Variants in EYA4 observed in about 807,000 individuals in gnomAD.
EYA4 encodes the protein EYA transcriptional coactivator and phosphatase 4, also known as protein phosphatase EYA4.
Under a neutral mutation model 87.9 loss-of-function variants are expected in EYA4, and 31 were observed. The ratio of observed to expected loss-of-function variants is 0.35; its 90% CI spans 0.27 to 0.48. The LOEUF is 0.48. Among genes scored for constraint, EYA4 ranks in the 20% least tolerant of loss-of-function variants. The probability of loss-of-function intolerance (pLI) is 0.99; values close to 1 mark genes in which losing one functional copy is unlikely to be tolerated. For missense variants in EYA4, 678 were observed against 761.4 expected, an observed-to-expected ratio of 0.89 and a Z score of 1.29; for synonymous variants, 263 against 270.6, an observed-to-expected ratio of 0.97 and a Z score of 0.28.
At chr6:133,384,547 A>C (rs1786529035) in intron 3 of EYA4, among the ~76,000 whole-genome samples, 2 of 152,206 alleles carry the variant, frequency 1.3e-5, no homozygotes, top group African/African-American at 4.8e-5. Flanking sequence ...AATTTTTCTT[A>C]AAATGTGAGA....
intron 3 of EYA4, among the ~76,000 whole-genome samples, chr6:133,409,748 C>T (rs1345280360): frequency 6.6e-6 from 1 of 152,096 alleles, no homozygotes; most frequent in East Asian, 1.9e-4. Flanking sequence ...CGATGAATAA[C>T]TCTAGAAATC....
intron 2 of EYA4, among the ~76,000 whole-genome samples, chr6:133,354,448 T>G (rs1236187554): frequency 3.9e-5 from 6 of 152,182 alleles, no homozygotes; most frequent in African/African-American, 1.2e-4. Context: ...TAGCTACTGT[T>G]TCCCGAATGT....
At chr6:133,254,101 T>TCAC (rs1276043523) in intron 1 of EYA4, among the ~76,000 whole-genome samples, 1 of 152,164 alleles carries the variant, frequency 6.6e-6, no homozygotes, top group Non-Finnish European at 1.5e-5. Context: ...TACCAAAGTA[T>TCAC]TACTGATTTT....
intron 6 of EYA4, among the ~76,000 whole-genome samples, chr6:133,457,529 T>A: frequency 6.6e-6 from 1 of 152,310 alleles, no homozygotes; most frequent in Non-Finnish European, 1.5e-5. Context: ...AGTTGAGATA[T>A]GTCTTAGAGT....
In EYA4 at chr6:133,455,682, C is replaced by T. The variant is rs536960714; in HGVS notation, c.278-874C>T. Among the ~76,000 whole-genome samples, 3 of 152,156 alleles carry T rather than the reference C, an allele frequency of 2.0e-5. No individual in the cohort carries two copies. In the South Asian group the frequency reaches 6.2e-4, roughly 32 times the overall value. ...ACTGTATCATTCATTTCACTTATGA[C>T]CAGGAAACACAAGAGGTGTTAAGTA... is the stretch of plus-strand genomic sequence containing the variant. On this transcript the variant is annotated intron_variant, in intron 5 of 19. Transcript: ENST00000355286.
intron 3 of EYA4, among the ~76,000 whole-genome samples, chr6:133,410,973 C>G (rs187752931): frequency 2.0e-5 from 3 of 150,780 alleles, no homozygotes; most frequent in Non-Finnish European, 4.4e-5. Context: ...GCCCTTCCCC[C>G]GCCTGACCCC....
intron 4 of EYA4, among the ~76,000 whole-genome samples, chr6:133,447,638 A>G (rs1792983427): frequency 6.6e-6 from 1 of 152,182 alleles, no homozygotes. Flanking sequence ...CATTTATTTT[A>G]GAATAACGAT....
chr6:133,441,394 C>A (rs1055467025), intron 3 of EYA4, among the ~76,000 whole-genome samples: 6 of 152,168 alleles, frequency 3.9e-5, no homozygotes. Flanking sequence ...AATAAAGCTT[C>A]AATGCTGCAA....
At chr6:133,518,403 A>G (rs916749603) in intron 17 of EYA4, among the ~76,000 whole-genome samples, 13 of 152,116 alleles carry the variant, frequency 8.5e-5, no homozygotes, top group Non-Finnish European at 1.9e-4. Context: ...ATCCACATAT[A>G]TTACCATATT....
intron 13 of EYA4, among the ~76,000 whole-genome samples, chr6:133,495,918 A>G (rs1008172898): frequency 5.3e-5 from 8 of 152,158 alleles, no homozygotes; most frequent in African/African-American, 1.7e-4. Flanking sequence ...CCTTGAGCAA[A>G]CTAATGAACA....
chr6:133,436,754 G>GA (rs1227656486), intron 3 of EYA4, among the ~76,000 whole-genome samples: 1 of 152,196 alleles, frequency 6.6e-6, no homozygotes, highest in Non-Finnish European at 1.5e-5. Flanking sequence ...TATGCAAAGA[G>GA]AAAAAGCTGG....
intron 3 of EYA4, among the ~76,000 whole-genome samples, chr6:133,391,238 T>TTTTTTTTTTTTTTTTTTTTTTTTTTG (rs1787264345): frequency 6.6e-6 from 1 of 150,646 alleles, no homozygotes; most frequent in African/African-American, 2.5e-5. Flanking sequence ...TTTTTTTTTT[T>TTTTTTTTTTTTTTTTTTTTTTTTTTG]GAGATGGAGT....
At chr6:133,267,858 T>C (rs1291054683) in intron 1 of EYA4, among the ~76,000 whole-genome samples, 1 of 152,160 alleles carries the variant, frequency 6.6e-6, no homozygotes, top group Admixed American at 6.5e-5. Flanking sequence ...CTTAGGAAAG[T>C]TAATACTGGG....
intron 16 of EYA4, 131 bp downstream of exon 16, chr6:133,513,169 G>C (rs1799304863): frequency 1.1e-6 from 1 of 919,484 alleles, no homozygotes; most frequent in Non-Finnish European, 1.7e-6. Context: ...CATTGAGCCA[G>C]AAGTTTCTTA....
At chr6:133,385,111 AAC>A (rs1427700144) in intron 3 of EYA4, among the ~76,000 whole-genome samples, 2 of 151,812 alleles carry the variant, frequency 1.3e-5, no homozygotes, top group Non-Finnish European at 2.9e-5. Flanking sequence ...CATCCTGGCT[AAC>A]ACAGTGAAAC....
chr6:133,387,440 G>T (rs1381157342), intron 3 of EYA4, among the ~76,000 whole-genome samples: 2 of 152,138 alleles, frequency 1.3e-5, no homozygotes, highest in Non-Finnish European at 1.5e-5. Flanking sequence ...ATTACTGCCA[G>T]TTTATGTTTT....
At chr6:133,309,987 A>G (rs1284371058) in intron 2 of EYA4, among the ~76,000 whole-genome samples, 1 of 152,326 alleles carries the variant, frequency 6.6e-6, no homozygotes, top group South Asian at 2.1e-4. Flanking sequence ...GCTGACAATT[A>G]ACAAGTCTTA....
At chr6:133,366,570 A>G (rs1221490003) in intron 2 of EYA4, among the ~76,000 whole-genome samples, 4 of 152,196 alleles carry the variant, frequency 2.6e-5, no homozygotes, top group African/African-American at 4.8e-5. Flanking sequence ...TGGCTTCTGA[A>G]TGTATGTGAG....
intron 1 of EYA4, among the ~76,000 whole-genome samples, chr6:133,242,679 C>G (rs1774058405): frequency 6.6e-6 from 1 of 152,142 alleles, no homozygotes; most frequent in Non-Finnish European, 1.5e-5. Flanking sequence ...AGTTTTCTCC[C>G]TTTGTTTGCG....
Sources: allele counts gnomAD v4.1 joint callset (sites outside exome capture counted in the v4.1 genomes callset), GRCh38; gene constraint gnomAD v4.1.1; transcripts MANE v1.5; gene names NCBI Gene and HGNC (gene_info 2026-07-23, HGNC 2026-07-21).